Variants in CUBN observed in about 807,000 individuals in gnomAD.
CUBN encodes the protein cubilin.
In CUBN, 282 loss-of-function variants were observed where a neutral mutation model predicts 405.3. The ratio of observed to expected loss-of-function variants is 0.70; its 90% CI spans 0.63 to 0.77. The LOEUF (loss-of-function observed/expected upper bound fraction) is 0.77, where lower values mean the gene tolerates loss of function less well. CUBN is among the 30% of genes least tolerant of loss of function. The probability of loss-of-function intolerance (pLI) is 0.00; values close to 1 mark genes in which losing one functional copy is unlikely to be tolerated. For synonymous variants in CUBN, 1,684 were observed against 1,617.0 expected, an observed-to-expected ratio of 1.04 and a Z score of -0.99; for missense variants, 4,514 against 4,475.2, an observed-to-expected ratio of 1.01 and a Z score of -0.25.
chr10:16,982,681 TGA>T, intron 30 of CUBN, 28 bp from the exon 31 acceptor site: 1 of 1,598,540 alleles, frequency 6.3e-7, no homozygotes, highest in Non-Finnish European at 8.6e-7. Context: ...AATTATTTCA[TGA>T]GAGGAATCAT....
At chr10:16,881,738 CAT>C in intron 56 of CUBN, among the ~76,000 whole-genome samples, 1 of 152,044 alleles carries the variant, frequency 6.6e-6, no homozygotes, top group Middle Eastern at 3.2e-3. Context: ...AGAAATCAAA[CAT>C]GTACATAATA....
intron 22 of CUBN, among the ~76,000 whole-genome samples, chr10:17,059,375 G>T (rs1483853194): frequency 2.0e-5 from 3 of 152,112 alleles, no homozygotes; most frequent in Non-Finnish European, 2.9e-5. Flanking sequence ...AGGATAAGCT[G>T]ATCCTCTGGA....
At chr10:17,002,634 C>T (rs766807845) in intron 28 of CUBN, among the ~76,000 whole-genome samples, 4 of 152,080 alleles carry the variant, frequency 2.6e-5, no homozygotes, top group Non-Finnish European at 4.4e-5. Flanking sequence ...TTACTGCTGT[C>T]GTCAAGGAGG....
At chr10:16,953,829 T>C (rs1842980260) in intron 32 of CUBN, among the ~76,000 whole-genome samples, 1 of 142,354 alleles carries the variant, frequency 7.0e-6, no homozygotes, top group African/African-American at 2.7e-5. Context: ...CCAGCCTGGG[T>C]GACAGAGAGA....
intron 27 of CUBN, among the ~76,000 whole-genome samples, chr10:17,029,239 C>T (rs1473322757): frequency 6.6e-6 from 1 of 152,196 alleles, no homozygotes; most frequent in Admixed American, 6.5e-5. Context: ...TTAACTGCTG[C>T]AAATTAATGC....
chr10:16,975,068 G>A (rs1413353357), intron 31 of CUBN, among the ~76,000 whole-genome samples: 4 of 152,148 alleles, frequency 2.6e-5, no homozygotes, highest in Non-Finnish European at 4.4e-5. Context: ...TTCACTGCAC[G>A]ACAGGGAAGC....
At chr10:17,102,405 G>T (rs1588643168) in intron 13 of CUBN, among the ~76,000 whole-genome samples, 1 of 151,444 alleles carries the variant, frequency 6.6e-6, no homozygotes, top group Non-Finnish European at 1.5e-5. Flanking sequence ...TCCTGCCTCA[G>T]CCTCCCGAGT....
intron 60 of CUBN, among the ~76,000 whole-genome samples, chr10:16,843,481 C>T (rs974532019): frequency 2.0e-5 from 3 of 152,182 alleles, no homozygotes; most frequent in Non-Finnish European, 4.4e-5. Context: ...GTCTTTCCAA[C>T]TTAAACATGA....
In CUBN at chr10:17,008,597, T is replaced by G. The variant is rs140529680; in HGVS notation, c.4168+11236A>C. On this transcript the variant is annotated intron_variant, in intron 28 of 66. Coordinates refer to ENST00000377833, the MANE Select transcript of CUBN (RefSeq NM_001081.4). ...ACTCCCTCCTATCACAGGGTCTTTCTTCTACCTGGAATCCTTTTCCTTATC... is the reference window on the plus strand; with the variant it reads ...ACTCCCTCCTATCACAGGGTCTTTCGTCTACCTGGAATCCTTTTCCTTATC... Among the ~76,000 whole-genome samples the G allele has an allele frequency of 3.0e-3, 450 of 152,088 alleles. 4 individuals carry two copies. The highest frequency in any genetic ancestry group is 0.01 in the African/African-American group (424 of 41,474).
intron 57 of CUBN, among the ~76,000 whole-genome samples, 183 bp from the exon 58 acceptor site, chr10:16,874,686 G>A (rs1840450727): frequency 6.6e-6 from 1 of 152,150 alleles, no homozygotes; most frequent in Admixed American, 6.5e-5. Context: ...CCACTAGGAA[G>A]GAAGATGAAA....
intron 14 of CUBN, among the ~76,000 whole-genome samples, chr10:17,098,781 G>A (rs1836432417): frequency 6.6e-6 from 1 of 151,898 alleles, no homozygotes; most frequent in African/African-American, 2.4e-5. Context: ...CATAACAAGT[G>A]AAAAATTAAA....
intron 51 of CUBN, among the ~76,000 whole-genome samples, chr10:16,902,405 G>A (rs1452945916): frequency 6.7e-6 from 1 of 148,676 alleles, no homozygotes. Flanking sequence ...TAGAAGAAAA[G>A]TAAAATTGGG....
chr10:16,973,246 A>C (rs1428603753), intron 31 of CUBN, among the ~76,000 whole-genome samples: 1 of 152,056 alleles, frequency 6.6e-6, no homozygotes, highest in Non-Finnish European at 1.5e-5. Flanking sequence ...TCGTGGCCTC[A>C]CTGCTGCATT....
Position 16,906,274 on chromosome 10 carries a change from G to A in CUBN, c.7841C>T (p.Ser2614Phe). 1.9e-6 allele frequency: 3 copies of A among 1,614,124 alleles called. No homozygotes were observed. The South Asian group carries it at 3.3e-5, about 18-fold the overall frequency. ...TAGGTAAAAATCTTCAAAGTGAATGGAAATGGATGAATTTCCCTGATTTGG... is the reference window on the plus strand; with the variant it reads ...TAGGTAAAAATCTTCAAAGTGAATGAAAATGGATGAATTTCCCTGATTTGG... ...SNPNQGNSSI[S>F]IHFEDFYLES... is the part of the protein sequence containing the mutation. Residue 2614 changes from serine (S) to phenylalanine (F), a missense_variant, in exon 50 of 67, where the codon TCC becomes TTC. Around this residue, in one of 5 missense-constraint regions of CUBN, gnomAD observed 1,613 missense variants for 1,542.8 expected, o/e 1.05. Coordinates refer to ENST00000377833, the MANE Select transcript of CUBN (RefSeq NM_001081.4).
At chr10:16,872,590 A>G (rs893240593) in intron 58 of CUBN, among the ~76,000 whole-genome samples, 1 of 152,162 alleles carries the variant, frequency 6.6e-6, no homozygotes, top group South Asian at 2.1e-4. Flanking sequence ...GCAAGAAGGT[A>G]CCTTCTATAA....
At chr10:16,876,573 T>A (rs542235642) in intron 57 of CUBN, among the ~76,000 whole-genome samples, 1 of 152,258 alleles carries the variant, frequency 6.6e-6, no homozygotes, top group African/African-American at 2.4e-5. Context: ...GGCATCTGGA[T>A]AATTTGGACC....
intron 6 of CUBN, among the ~76,000 whole-genome samples, chr10:17,120,215 A>G (rs749256403): frequency 1.9e-4 from 29 of 152,234 alleles, no homozygotes; most frequent in Non-Finnish European, 3.2e-4. Context: ...AAGTATCTAA[A>G]TGTTCACTTG....
intron 17 of CUBN, among the ~76,000 whole-genome samples, chr10:17,080,555 C>G (rs1835945883): frequency 2.0e-5 from 3 of 152,296 alleles, no homozygotes; most frequent in Admixed American, 1.3e-4. Flanking sequence ...GTAGAGCCCC[C>G]TTTCTGGTTC....
chr10:16,925,115 A>G, intron 43 of CUBN, 126 bp downstream of exon 43: 1 of 699,614 alleles, frequency 1.4e-6, no homozygotes, highest in South Asian at 1.7e-5. Context: ...ATCAAATATA[A>G]TAAGTACTTG....
Sources: allele counts gnomAD v4.1 joint callset (sites outside exome capture counted in the v4.1 genomes callset), GRCh38; gene constraint gnomAD v4.1.1; regional missense constraint gnomAD v4.1.1; transcripts MANE v1.5; gene names NCBI Gene and HGNC (gene_info 2026-07-23, HGNC 2026-07-21).